Variants in NAALADL2 observed in about 807,000 individuals in gnomAD.
NAALADL2 encodes the protein N-acetylated alpha-linked acidic dipeptidase like 2.
A neutral mutation model predicts 87.2 loss-of-function variants in NAALADL2; 76 were observed. The ratio of observed to expected loss-of-function variants is 0.87; its 90% CI spans 0.72 to 1.05. The LOEUF (loss-of-function observed/expected upper bound fraction) is 1.05. Among genes scored for constraint, NAALADL2 ranks in the 50% least tolerant of loss-of-function variants. The pLI, the probability that NAALADL2 is intolerant of heterozygous loss-of-function variation, is 0.00. For synonymous variants in NAALADL2, 354 were observed against 331.0 expected, an observed-to-expected ratio of 1.07 and a Z score of -0.75; for missense variants, 1,089 against 945.8, an observed-to-expected ratio of 1.15 and a Z score of -1.99.
chr3:174,595,285 A>C (rs1717775382), intron 2 of NAALADL2, among the ~76,000 whole-genome samples: 1 of 150,702 alleles, frequency 6.6e-6, no homozygotes, highest in Admixed American at 6.6e-5. Context: ...TGTCCCCTCT[A>C]TTTCTCTCCC....
intron 9 of NAALADL2, among the ~76,000 whole-genome samples, chr3:175,517,060 T>C (rs1394674823): frequency 6.6e-6 from 1 of 152,194 alleles, no homozygotes. Context: ...TTAATTTGTG[T>C]TTATGTAGTA....
intron 1 of NAALADL2, among the ~76,000 whole-genome samples, chr3:174,999,768 TTCAATATTAAAGTTATTAAACTTC>T (rs1334459930): frequency 6.6e-6 from 1 of 152,162 alleles, no homozygotes. Flanking sequence ...ACAGACATTT[TTCAATATTAAAGTTATTAAACTTC>T]TCAATATTAA....
chr3:175,176,750 G>A (rs549692465), intron 2 of NAALADL2, among the ~76,000 whole-genome samples: 1 of 152,032 alleles, frequency 6.6e-6, no homozygotes, highest in South Asian at 2.1e-4. Context: ...GTAAGGGGTC[G>A]GAGCCAAGGA....
At chr3:174,777,156 T>G (rs1715311508) in intron 3 of NAALADL2, among the ~76,000 whole-genome samples, 1 of 152,112 alleles carries the variant, frequency 6.6e-6, no homozygotes, top group Non-Finnish European at 1.5e-5. Flanking sequence ...CAGAAACCAC[T>G]GTCTAATCAC....
At chr3:175,564,935 T>A (rs1716869867) in intron 9 of NAALADL2, among the ~76,000 whole-genome samples, 1 of 152,258 alleles carries the variant, frequency 6.6e-6, no homozygotes, top group Non-Finnish European at 1.5e-5. Context: ...GAGTGACCAA[T>A]ATCAAACCTG....
chr3:174,665,806 G>A (rs1380611107), intron 2 of NAALADL2, among the ~76,000 whole-genome samples: 1 of 152,186 alleles, frequency 6.6e-6, no homozygotes, highest in Non-Finnish European at 1.5e-5. Context: ...TGGAGGCTCT[G>A]AAAAATAATC....
At chr3:174,814,736 A>G (rs1720603577) in intron 3 of NAALADL2, among the ~76,000 whole-genome samples, 1 of 152,194 alleles carries the variant, frequency 6.6e-6, no homozygotes, top group Non-Finnish European at 1.5e-5. Flanking sequence ...TTGGGCAGAT[A>G]TCTTCCAAAA....
chr3:175,610,392 T>A (rs1724458837), intron 10 of NAALADL2, among the ~76,000 whole-genome samples: 1 of 152,112 alleles, frequency 6.6e-6, no homozygotes, highest in South Asian at 2.1e-4. Context: ...GATAATGACC[T>A]GTAGCATAAT....
intron 1 of NAALADL2, among the ~76,000 whole-genome samples, chr3:174,478,360 A>G (rs980586778): frequency 3.9e-5 from 6 of 152,156 alleles, no homozygotes; most frequent in African/African-American, 1.4e-4. Context: ...AGACAGTGCT[A>G]TCTTACATAT....
chr3:175,526,893 C>A (rs981307344), intron 9 of NAALADL2, among the ~76,000 whole-genome samples: 8 of 152,218 alleles, frequency 5.3e-5, no homozygotes, highest in East Asian at 1.9e-4. Context: ...ACCCTCCTGG[C>A]TTTTTTATTA....
At chr3:175,605,649 T>TTTTTGTTTG (rs1553931400) in intron 10 of NAALADL2, among the ~76,000 whole-genome samples, 12 of 149,294 alleles carry the variant, frequency 8.0e-5, no homozygotes, top group African/African-American at 2.4e-4. Flanking sequence ...TGTTTTTTTT[T>TTTTTGTTTG]TTTTTTTAAC....
intron 5 of NAALADL2, among the ~76,000 whole-genome samples, chr3:175,342,472 T>G (rs1314335990): frequency 1.3e-5 from 2 of 151,836 alleles, no homozygotes; most frequent in Non-Finnish European, 2.9e-5. Flanking sequence ...AGTGTTAAGC[T>G]GATTACTCCC....
At chr3:175,745,285 GA>G (rs1745770966) in intron 12 of NAALADL2, among the ~76,000 whole-genome samples, 1 of 152,154 alleles carries the variant, frequency 6.6e-6, no homozygotes, top group Admixed American at 6.6e-5. Flanking sequence ...AATGGAGAAT[GA>G]ATATTTATTT....
chr3:175,003,988 C>G (rs1748640208), intron 1 of NAALADL2, among the ~76,000 whole-genome samples: 1 of 152,164 alleles, frequency 6.6e-6, no homozygotes, highest in African/African-American at 2.4e-5. Context: ...GATGCTTACT[C>G]CTCCCTAGTG....
chr3:175,029,414 G>A (rs1752566374), intron 1 of NAALADL2, among the ~76,000 whole-genome samples: 1 of 151,946 alleles, frequency 6.6e-6, no homozygotes, highest in South Asian at 2.1e-4. Flanking sequence ...CTTGCACCAG[G>A]CAAGGTTTAC....
At chr3:175,255,888 G>A (rs886991738) in intron 3 of NAALADL2, among the ~76,000 whole-genome samples, 1 of 152,152 alleles carries the variant, frequency 6.6e-6, no homozygotes, top group African/African-American at 2.4e-5. Context: ...TATTCTGCAC[G>A]ACTCAAGGAT....
intron 9 of NAALADL2, among the ~76,000 whole-genome samples, chr3:175,503,091 C>T (rs763444855): frequency 2.6e-5 from 4 of 152,026 alleles, no homozygotes; most frequent in Non-Finnish European, 5.9e-5. Context: ...CCACCATCTA[C>T]CCTCAAGTAG....
At chr3:175,299,676 A>C (rs990633964) in intron 4 of NAALADL2, among the ~76,000 whole-genome samples, 2 of 152,200 alleles carry the variant, frequency 1.3e-5, no homozygotes, top group African/African-American at 4.8e-5. Context: ...GTTGCTTATC[A>C]GCTTAAGGAG....
At chr3:174,687,313 G>A (rs1728140887) in intron 2 of NAALADL2, among the ~76,000 whole-genome samples, 2 of 151,994 alleles carry the variant, frequency 1.3e-5, no homozygotes, top group African/African-American at 4.8e-5. Flanking sequence ...TTAACACCTT[G>A]CATTCAAAAG....
Sources: allele counts gnomAD v4.1 joint callset (sites outside exome capture counted in the v4.1 genomes callset), GRCh38; gene constraint gnomAD v4.1.1; transcripts MANE v1.5; gene names NCBI Gene and HGNC (gene_info 2026-07-23, HGNC 2026-07-21).